Variants in TRABD2A observed in about 807,000 individuals in gnomAD.
TRABD2A encodes the protein TraB domain containing 2A, also known as metalloprotease TIKI1.
In TRABD2A, 43 loss-of-function variants were observed where a neutral mutation model predicts 45.6. The observed-to-expected ratio is 0.94, with a 90% CI of 0.74 to 1.22. The LOEUF is 1.22. Ranked by LOEUF, TRABD2A falls within the 50% of genes most tolerant of loss-of-function variation. The pLI, the probability that TRABD2A is intolerant of heterozygous loss-of-function variation, is 0.00. For synonymous variants in TRABD2A, 269 were observed against 265.0 expected (o/e 1.02, Z -0.15); for missense variants, 642 against 652.4 (o/e 0.98, Z 0.17).
In TRABD2A at chr2:84,822,113, G is replaced by T; in HGVS notation, c.1335-13C>A. 1 of 1,538,404 alleles carries T rather than the reference G, an allele frequency of 6.5e-7. No individual in the cohort carries two copies. The highest frequency in any genetic ancestry group is 8.8e-7 in the Non-Finnish European group (1 of 1,138,606). ...CGGGACTATGTCACTAGGAGGCAAAGAGAAAGACAGAGTCTGAAGTCACAG... is the reference window on the plus strand; with the variant it reads ...CGGGACTATGTCACTAGGAGGCAAATAGAAAGACAGAGTCTGAAGTCACAG... On this transcript the variant is annotated splice_polypyrimidine_tract_variant and intron_variant, in intron 6 of 6. Transcript: ENST00000409520.
chr2:84,857,324 G>A (rs1410104581), intron 2 of TRABD2A, among the ~76,000 whole-genome samples: 2 of 152,170 alleles, frequency 1.3e-5, no homozygotes, highest in African/African-American at 2.4e-5. Flanking sequence ...CTCCATTCTT[G>A]TAACTTTTAC....
At chr2:84,878,528 C>CA (rs34899036) in intron 1 of TRABD2A, among the ~76,000 whole-genome samples, 23,354 of 121,322 alleles carry the variant, frequency 0.19, 2,655 homozygotes, top group African/African-American at 0.36. Context: ...GACTCTGTCT[C>CA]AAAAAAAAAA....
intron 2 of TRABD2A, among the ~76,000 whole-genome samples, chr2:84,864,877 C>T (rs1293584168): frequency 6.6e-6 from 1 of 152,190 alleles, no homozygotes; most frequent in East Asian, 1.9e-4. Context: ...AGGAGTCTTC[C>T]TCAGGCCATC....
chr2:84,858,093 T>G (rs1682375942), intron 2 of TRABD2A, among the ~76,000 whole-genome samples: 2 of 152,094 alleles, frequency 1.3e-5, no homozygotes, highest in Non-Finnish European at 2.9e-5. Context: ...CAGGCTGGTC[T>G]TGAACTCCCA....
chr2:84,870,811 G>T (rs919528703), intron 1 of TRABD2A, 26 bp from the exon 2 acceptor site: 65 of 1,528,660 alleles, frequency 4.3e-5, no homozygotes, highest in Non-Finnish European at 5.5e-5. Flanking sequence ...GTAACATCAA[G>T]GTATAATATG....
intron 3 of TRABD2A, among the ~76,000 whole-genome samples, chr2:84,840,170 T>C (rs2105380716): frequency 6.6e-6 from 1 of 152,330 alleles, no homozygotes; most frequent in Admixed American, 6.5e-5. Flanking sequence ...GTCCTCAGAC[T>C]CTGTGACAGC....
chr2:84,841,537 A>T (rs1681708713), intron 3 of TRABD2A, among the ~76,000 whole-genome samples: 1 of 152,224 alleles, frequency 6.6e-6, no homozygotes, highest in African/African-American at 2.4e-5. Context: ...GTATGACCTA[A>T]GTCAGCCAGG....
intron 5 of TRABD2A, among the ~76,000 whole-genome samples, chr2:84,829,440 AAC>A (rs550562889): frequency 1.4e-5 from 2 of 146,934 alleles, no homozygotes; most frequent in Non-Finnish European, 3.0e-5. Flanking sequence ...ACACACACAA[AAC>A]ACACGTACCA....
chr2:84,872,126 A>C (rs1388887146), intron 1 of TRABD2A, among the ~76,000 whole-genome samples: 1 of 152,232 alleles, frequency 6.6e-6, no homozygotes, highest in Non-Finnish European at 1.5e-5. Flanking sequence ...GCAGTGCTCA[A>C]GGAATTAGGT....
rs1683185784 is a variant in TRABD2A at position 84,880,962 on chromosome 2, G to A, written c.78C>T (p.Pro26=). ...GCTTGAGCTCGCAGTTGGCGGTGCC[G>A]GGCGCCCCGCGCCGCGAAGCTGCGC... ...PTGAASRRGA[P]GTANCELKPQ... is the part of the protein sequence containing the mutation. The change falls in exon 1 of 7, where the codon CCC becomes CCT. Residue 26 remains proline (P), a synonymous_variant. Coordinates refer to ENST00000409520, the MANE Select transcript of TRABD2A (RefSeq NM_001277053.2). 1 of 1,599,840 alleles carries A rather than the reference G, an allele frequency of 6.3e-7. No individual in the cohort carries two copies. The highest frequency in any genetic ancestry group is 8.5e-7 in the Non-Finnish European group (1 of 1,174,106).
intron 3 of TRABD2A, among the ~76,000 whole-genome samples, chr2:84,841,469 C>T (rs1171153027): frequency 1.3e-5 from 2 of 152,222 alleles, no homozygotes; most frequent in Admixed American, 6.5e-5. Context: ...ATCATGTTCA[C>T]ATGTTCCTAG....
At chr2:84,876,433 G>A (rs1403783521) in intron 1 of TRABD2A, among the ~76,000 whole-genome samples, 2 of 152,224 alleles carry the variant, frequency 1.3e-5, no homozygotes. Flanking sequence ...GAGGCCGATT[G>A]AAGAAAGTAC....
intron 2 of TRABD2A, among the ~76,000 whole-genome samples, chr2:84,851,926 A>G (rs1682110343): frequency 6.6e-6 from 1 of 152,180 alleles, no homozygotes; most frequent in Non-Finnish European, 1.5e-5. Flanking sequence ...GCTCCATCTC[A>G]AGAAGCAATG....
chr2:84,842,907 G>A (rs1448359126), intron 2 of TRABD2A, among the ~76,000 whole-genome samples: 2 of 151,776 alleles, frequency 1.3e-5, no homozygotes, highest in Non-Finnish European at 2.9e-5. Flanking sequence ...AACATATTTT[G>A]GGAAAATCCA....
At chr2:84,875,020 G>T in intron 1 of TRABD2A, 1 of 171,102 alleles carries the variant, frequency 5.8e-6, no homozygotes. Flanking sequence ...CCAGTCTGTG[G>T]GCTGAATCTT....
intron 3 of TRABD2A, among the ~76,000 whole-genome samples, chr2:84,841,457 A>ATATCATGTTCACATG (rs1457314318): frequency 6.6e-6 from 1 of 152,192 alleles, no homozygotes; most frequent in Non-Finnish European, 1.5e-5. Flanking sequence ...ATACACAGCT[A>ATATCATGTTCACATG]TATCATGTTC....
intron 1 of TRABD2A, among the ~76,000 whole-genome samples, chr2:84,877,304 A>G (rs905299872): frequency 2.6e-5 from 4 of 152,224 alleles, no homozygotes; most frequent in African/African-American, 7.2e-5. Flanking sequence ...ACAAAAAAAA[A>G]AAATCCTTCA....
In TRABD2A at chr2:84,830,433, C is replaced by T. The variant is rs557310893; in HGVS notation, c.1082+1622G>A. ...GAGTGCCAAGACCTCCGCGTGAAGA[C>T]AATGACCTTGAAAAAGAACAACATG... On this transcript the variant is annotated intron_variant, in intron 5 of 6. Coordinates refer to ENST00000409520, the MANE Select transcript of TRABD2A (RefSeq NM_001277053.2). The surrounding 1 kb of genome is among the most constrained non-coding windows in gnomAD (Gnocchi z 4.9). Among the ~76,000 whole-genome samples, 1 of 151,968 alleles carries T rather than the reference C, an allele frequency of 6.6e-6. No homozygotes were observed. The highest frequency in any genetic ancestry group is 2.1e-4 in the South Asian group (1 of 4,814).
Position 84,830,512 on chromosome 2 carries a change from G to T in TRABD2A, c.1082+1543C>A, listed in dbSNP as rs1205458111. On this transcript the variant is annotated intron_variant, in intron 5 of 6. Coordinates refer to ENST00000409520, the MANE Select transcript of TRABD2A (RefSeq NM_001277053.2). This position sits in a 1 kb window ranked among gnomAD's most constrained non-coding sequence, Gnocchi z 4.9. ...CTGGAAAGAATAGTCCCACAGAAGG[G>T]CGAAGAGTGAACCAGAGGGAGAAGG... is the stretch of plus-strand genomic sequence containing the variant. 6.6e-6 allele frequency among the ~76,000 whole-genome samples: 1 copy of T among 152,190 alleles called. No homozygotes were observed. Among genetic ancestry groups the T allele is most frequent in the African/African-American group, 2.4e-5 (1 of 41,442 alleles).
Sources: gnomAD v4.1 joint callset for allele counts (sites outside exome capture counted in the v4.1 genomes callset) on GRCh38, gnomAD v4.1.1 for gene constraint, Gnocchi (gnomAD v3.1) non-coding constraint, MANE v1.5 for transcripts, NCBI Gene and HGNC (gene_info 2026-07-23, HGNC 2026-07-21) for gene names.